CNTN1: variants seen among roughly 807,000 people sequenced by gnomAD.
CNTN1 encodes the protein contactin 1.
In CNTN1, 38 loss-of-function variants were observed where a neutral mutation model predicts 126.4. The observed-to-expected ratio is 0.30, with a 90% CI of 0.23 to 0.39. CNTN1 has a LOEUF of 0.39. Among genes scored for constraint, CNTN1 ranks in the 10% least tolerant of loss-of-function variants. The probability of loss-of-function intolerance (pLI) is 1.00; values close to 1 mark genes in which losing one functional copy is unlikely to be tolerated. For missense variants in CNTN1, 1,009 were observed against 1,248.4 expected, an observed-to-expected ratio of 0.81 and a Z score of 2.89; for synonymous variants, 413 against 422.6, an observed-to-expected ratio of 0.98 and a Z score of 0.28.
Position 40,943,903 on chromosome 12 carries a change from A to C in CNTN1, c.1508-92A>C, listed in dbSNP as rs545127317. On this transcript the variant is annotated intron_variant, in intron 13 of 23. Transcript: ENST00000551295. ...GTGAAAACATCTTATTATTTTGCACAAATAAAAATATATTGGTTATTATTT... is the reference window on the plus strand; with the variant it reads ...GTGAAAACATCTTATTATTTTGCACCAATAAAAATATATTGGTTATTATTT... 46 of 1,406,238 alleles carry C rather than the reference A, an allele frequency of 3.3e-5. No homozygotes were observed. The South Asian group carries it at 5.7e-4, about 17-fold the overall frequency. The allele number at this position is 1,406,238 out of a possible 1,614,324, so 87.1% of individuals were successfully genotyped here.
At chr12:40,973,621 G>C (rs1947586369) in intron 15 of CNTN1, among the ~76,000 whole-genome samples, 1 of 152,108 alleles carries the variant, frequency 6.6e-6, no homozygotes, top group African/African-American at 2.4e-5. Flanking sequence ...AAAAAAGAAT[G>C]TCACCAGTGT....
At chr12:40,959,750 A>T (rs1182401886) in intron 15 of CNTN1, among the ~76,000 whole-genome samples, 1 of 152,032 alleles carries the variant, frequency 6.6e-6, no homozygotes, top group African/African-American at 2.4e-5. Context: ...TTGTGATGGA[A>T]TATACATTTA....
At chr12:40,695,359 A>G (rs1015130521) in intron 1 of CNTN1, among the ~76,000 whole-genome samples, 1 of 152,178 alleles carries the variant, frequency 6.6e-6, no homozygotes, top group South Asian at 2.1e-4. Context: ...AGGTGTTTCT[A>G]TATCTTTTCA....
At chr12:40,849,531 A>G (rs73118769) in intron 1 of CNTN1, among the ~76,000 whole-genome samples, 1,916 of 152,174 alleles carry the variant, frequency 0.013, 23 homozygotes, top group South Asian at 0.027. Context: ...AATAGCAATC[A>G]TGGAGCTTGG....
chr12:40,949,421 C>A (rs553587013), intron 14 of CNTN1, among the ~76,000 whole-genome samples: 1 of 140,674 alleles, frequency 7.1e-6, no homozygotes, highest in South Asian at 2.5e-4. Context: ...TATCCCTACC[C>A]CCCCTCCCCC....
At chr12:40,948,441 C>T (rs970174745) in intron 14 of CNTN1, among the ~76,000 whole-genome samples, 3 of 151,406 alleles carry the variant, frequency 2.0e-5, no homozygotes, top group Admixed American at 6.6e-5. Context: ...ACTGTTTAGA[C>T]AGAATTGGGT....
At chr12:40,840,532 A>G (rs1366102849) in intron 1 of CNTN1, among the ~76,000 whole-genome samples, 1 of 152,114 alleles carries the variant, frequency 6.6e-6, no homozygotes, top group African/African-American at 2.4e-5. Context: ...CAGCGATGGC[A>G]GAATATACAT....
chr12:40,856,428 G>T (rs1422641497), intron 1 of CNTN1, among the ~76,000 whole-genome samples: 1 of 152,116 alleles, frequency 6.6e-6, no homozygotes, highest in African/African-American at 2.4e-5. Flanking sequence ...CTGGAGAGTA[G>T]AAAATCGCTG....
intron 1 of CNTN1, among the ~76,000 whole-genome samples, chr12:40,714,960 A>G (rs11178018): frequency 0.2 from 30,691 of 152,120 alleles, 3,216 homozygotes; most frequent in Middle Eastern, 0.28. Flanking sequence ...CAGTGGATTG[A>G]AAAATTCTCT....
At chr12:41,012,821 C>T (rs138805924) in intron 17 of CNTN1, among the ~76,000 whole-genome samples, 2 of 152,254 alleles carry the variant, frequency 1.3e-5, no homozygotes, top group African/African-American at 4.8e-5. Context: ...TGCTCCTCTA[C>T]TCATTGTTTC....
intron 15 of CNTN1, among the ~76,000 whole-genome samples, chr12:40,961,043 T>C (rs1233594905): frequency 6.6e-6 from 1 of 152,050 alleles, no homozygotes; most frequent in Non-Finnish European, 1.5e-5. Flanking sequence ...GTAGTCATGA[T>C]ACTAGCCACA....
At chr12:40,826,400 A>G (rs1214211025) in intron 1 of CNTN1, among the ~76,000 whole-genome samples, 1 of 152,202 alleles carries the variant, frequency 6.6e-6, no homozygotes, top group Non-Finnish European at 1.5e-5. Context: ...CTTGAAGTTT[A>G]TTAGCTTGGT....
intron 22 of CNTN1, among the ~76,000 whole-genome samples, chr12:41,028,449 C>T (rs1020518985): frequency 1.3e-5 from 2 of 151,952 alleles, no homozygotes; most frequent in Non-Finnish European, 2.9e-5. Flanking sequence ...AATGTTATGT[C>T]AAAAGTGTAA....
rs561554809 is a variant in CNTN1 at position 41,049,384 on chromosome 12, T to C, written c.2980+20165T>C. 3.3e-5 allele frequency among the ~76,000 whole-genome samples: 5 copies of C among 152,370 alleles called. No individual in the cohort carries two copies. The South Asian group carries it at 1.0e-3, about 32-fold the overall frequency. On this transcript the variant is annotated intron_variant, in intron 23 of 23. Transcript: ENST00000551295. ...CTCTTCCCCATCTCCCTTTGTTTGC[T>C]TTTTCTGCAGTTTTACCCATCTCAA...
At chr12:40,850,629 C>T (rs989873644) in intron 1 of CNTN1, among the ~76,000 whole-genome samples, 3 of 151,588 alleles carry the variant, frequency 2.0e-5, no homozygotes, top group Non-Finnish European at 2.9e-5. Context: ...AATTATTCAG[C>T]GATGATATTA....
At chr12:40,985,379 C>G (rs373378682) in intron 16 of CNTN1, among the ~76,000 whole-genome samples, 1 of 151,970 alleles carries the variant, frequency 6.6e-6, no homozygotes, top group Non-Finnish European at 1.5e-5. Flanking sequence ...TACTAAGAAA[C>G]TTATAGCATT....
chr12:40,963,973 A>C (rs1201617204), intron 15 of CNTN1, among the ~76,000 whole-genome samples: 1 of 152,104 alleles, frequency 6.6e-6, no homozygotes, highest in Non-Finnish European at 1.5e-5. Context: ...TCATGAGTGC[A>C]CCTTTGGACA....
At chr12:40,862,513 C>T (rs1426965411) in intron 1 of CNTN1, among the ~76,000 whole-genome samples, 1 of 152,000 alleles carries the variant, frequency 6.6e-6, no homozygotes, top group South Asian at 2.1e-4. Context: ...TTTTTTGTTA[C>T]CCAGGTTACT....
intron 15 of CNTN1, among the ~76,000 whole-genome samples, chr12:40,964,326 G>T (rs1408133019): frequency 1.3e-5 from 2 of 152,014 alleles, no homozygotes; most frequent in Non-Finnish European, 2.9e-5. Context: ...TTTTGGCCTG[G>T]TTCTCAACTC....
Sources: gnomAD v4.1 joint callset for allele counts (sites outside exome capture counted in the v4.1 genomes callset) on GRCh38, gnomAD v4.1.1 for gene constraint, MANE v1.5 for transcripts, NCBI Gene and HGNC (gene_info 2026-07-23, HGNC 2026-07-21) for gene names.